Variants in ACBD3 observed in about 807,000 individuals in gnomAD.
ACBD3 encodes acyl-CoA binding domain containing 3.
ACBD3 carries 30 observed loss-of-function variants against 66.9 expected under a neutral mutation model. That is an observed-to-expected ratio of 0.45 (90% CI 0.34 to 0.61). The LOEUF (loss-of-function observed/expected upper bound fraction) is 0.61, where lower values mean the gene tolerates loss of function less well. Ranked by LOEUF, ACBD3 falls within the 20% of genes least tolerant of loss-of-function variation. The probability of loss-of-function intolerance (pLI) is 0.02; values close to 1 mark genes in which losing one functional copy is unlikely to be tolerated. For missense variants in ACBD3, 544 were observed against 664.5 expected, an observed-to-expected ratio of 0.82 and a Z score of 1.99; for synonymous variants, 278 against 259.8, an observed-to-expected ratio of 1.07 and a Z score of -0.68.
At chr1:226,182,889 T>C (rs1454456438) in intron 1 of ACBD3, among the ~76,000 whole-genome samples, 2 of 152,202 alleles carry the variant, frequency 1.3e-5, no homozygotes, top group East Asian at 1.9e-4. Flanking sequence ...TGTAACCTAA[T>C]ATAAAACTAT....
chr1:226,159,949 G>C (rs780950653), intron 4 of ACBD3, among the ~76,000 whole-genome samples: 1 of 152,106 alleles, frequency 6.6e-6, no homozygotes, highest in South Asian at 2.1e-4. Flanking sequence ...AGGTGGCCCT[G>C]GTAAGTATAA....
intron 1 of ACBD3, among the ~76,000 whole-genome samples, chr1:226,172,403 T>G (rs1655850610): frequency 6.6e-6 from 1 of 152,162 alleles, no homozygotes; most frequent in South Asian, 2.1e-4. Context: ...ATGCACGTAC[T>G]AGTTTTAAGA....
chr1:226,155,838 T>C (rs1172998869), intron 5 of ACBD3, among the ~76,000 whole-genome samples: 1 of 152,222 alleles, frequency 6.6e-6, no homozygotes, highest in Non-Finnish European at 1.5e-5. Context: ...CAATGAAAAT[T>C]TGTCACTGTT....
chr1:226,146,292 G>C lies in ACBD3; in HGVS notation c.*318C>G, dbSNP rs570244008. On this transcript the variant is annotated 3_prime_UTR_variant, in exon 8 of 8. Coordinates refer to ENST00000366812, the MANE Select transcript of ACBD3 (RefSeq NM_022735.4). ...CAGCAAGGGGCTAACCATCAGCCGG[G>C]TAAGGTCAACGTTGGGGTGTTTTAT... 8 of 243,660 alleles carry C rather than the reference G, an allele frequency of 3.3e-5. 1 individual carries two copies. In the Admixed American group the frequency reaches 4.1e-4, roughly 13 times the overall value. 15.1% of individuals were successfully genotyped at this position (243,660 alleles called of 1,614,324 possible). A position where few individuals can be genotyped will look rare whatever the true frequency, so the allele number is the denominator to read the frequency against.
rs539036777 is a variant in ACBD3 at position 226,174,103 on chromosome 1, G to A, written c.287-8103C>T. On this transcript the variant is annotated intron_variant, in intron 1 of 7. Coordinates refer to ENST00000366812, the MANE Select transcript of ACBD3 (RefSeq NM_022735.4). ...CTAAATTATTTCTGGTACCATAAAC[G>A]TTAAATGTAGTTAGCAGGAAAATAA... Among the ~76,000 whole-genome samples, 6 of 151,948 alleles carry A rather than the reference G, an allele frequency of 3.9e-5. No homozygotes were observed. The South Asian group carries it at 1.0e-3, about 26-fold the overall frequency.
chr1:226,178,467 C>T (rs1656097694), intron 1 of ACBD3, among the ~76,000 whole-genome samples: 2 of 148,364 alleles, frequency 1.3e-5, no homozygotes, highest in African/African-American at 5.0e-5. Flanking sequence ...CCCAGCTACT[C>T]GGGAGGCTGA....
At chr1:226,150,669 G>A (rs1027821698) in intron 7 of ACBD3, among the ~76,000 whole-genome samples, 7 of 152,080 alleles carry the variant, frequency 4.6e-5, no homozygotes, top group African/African-American at 7.2e-5. Context: ...GAGCCACCGC[G>A]TCCGGCCCAG....
chr1:226,176,269 T>C (rs753495409), intron 1 of ACBD3, among the ~76,000 whole-genome samples: 23 of 152,006 alleles, frequency 1.5e-4, no homozygotes, highest in African/African-American at 4.6e-4. Flanking sequence ...CTACTAAAAA[T>C]ACACAAATTA....
rs779380166 is a variant in ACBD3, at chr1:226,172,155, C to CAAAAAAAAAAAAA, written c.287-6168_287-6156dup. Among the ~76,000 whole-genome samples, 149 of 42,524 alleles carry CAAAAAAAAAAAAA rather than the reference C, an allele frequency of 3.5e-3. 2 individuals are homozygous for CAAAAAAAAAAAAA. Among genetic ancestry groups the CAAAAAAAAAAAAA allele is most frequent in the East Asian group, 5.9e-3 (4 of 678 alleles). 27.9% of individuals were successfully genotyped at this position (42,524 alleles called of 152,430 possible). On this transcript the variant is annotated intron_variant, in intron 1 of 7. Transcript: ENST00000366812. ...GGGAAACAAGAGCAAAACTCCATCT[C>CAAAAAAAAAAAAA]AAAAAAAAAAAAAAAGAGGAATACA...
chr1:226,159,156 G>A, intron 5 of ACBD3, 28 bp downstream of exon 5: 1 of 1,609,344 alleles, frequency 6.2e-7, no homozygotes, highest in Admixed American at 1.7e-5. Flanking sequence ...CTCTCTCTAA[G>A]GCTGAATTCT....
intron 7 of ACBD3, among the ~76,000 whole-genome samples, chr1:226,148,633 G>C (rs778013544): frequency 1.3e-5 from 2 of 152,160 alleles, no homozygotes; most frequent in Admixed American, 6.5e-5. Context: ...TTTAGGACCT[G>C]TAAACAATGA....
chr1:226,147,554 C>T (rs1317668193), intron 7 of ACBD3, among the ~76,000 whole-genome samples: 1 of 152,150 alleles, frequency 6.6e-6, no homozygotes, highest in African/African-American at 2.4e-5. Flanking sequence ...GAGTCCTCCC[C>T]ATTTTAGAAA....
intron 1 of ACBD3, among the ~76,000 whole-genome samples, chr1:226,173,591 AAC>A (rs1655916943): frequency 6.6e-6 from 1 of 151,972 alleles, no homozygotes; most frequent in Non-Finnish European, 1.5e-5. Flanking sequence ...TCAGAAAAAA[AAC>A]ACAGAAAAAT....
Position 226,146,484 on chromosome 1 carries a change from C to T in ACBD3, c.*126G>A. 1 of 796,624 alleles carries T rather than the reference C, an allele frequency of 1.3e-6. No individual in the cohort carries two copies. Among genetic ancestry groups the T allele is most frequent in the Non-Finnish European group, 2.0e-6 (1 of 510,416 alleles). The allele number at this position is 796,624 out of a possible 1,614,324, so 49.3% of individuals were successfully genotyped here. On this transcript the variant is annotated 3_prime_UTR_variant, in exon 8 of 8. Coordinates refer to ENST00000366812, the MANE Select transcript of ACBD3 (RefSeq NM_022735.4). ...AATTTTGATTCCCAGCAAGAGTTCA[C>T]AAACCATCAGACCAATATCAATAAG...
chr1:226,157,475 G>C (rs1275909653), intron 5 of ACBD3, among the ~76,000 whole-genome samples: 1 of 152,132 alleles, frequency 6.6e-6, no homozygotes, highest in Non-Finnish European at 1.5e-5. Context: ...CCAACCTCAA[G>C]TGATCCACCC....
Position 226,159,265 on chromosome 1 carries a change from T to C in ACBD3, c.822A>G (p.Gln274=), listed in dbSNP as rs766990449. The change falls in exon 5 of 8, where the codon CAA becomes CAG. Residue 274 remains glutamine (Q), a synonymous_variant. Transcript: ENST00000366812. ...GCTCCTGCAACTGGCGGATGAGAAT[T>C]TGCTGCTGTTCGTAGTTCCCTGGAT... ...QQYPGNYEQQ[Q]ILIRQLQEQH... The C allele has an allele frequency of 1.2e-6, 2 of 1,614,186 alleles. No individual in the cohort carries two copies. The highest frequency in any genetic ancestry group is 2.2e-5 in the South Asian group (2 of 91,086).
intron 1 of ACBD3, among the ~76,000 whole-genome samples, chr1:226,181,150 C>A (rs1656163147): frequency 6.6e-6 from 1 of 152,050 alleles, no homozygotes; most frequent in South Asian, 2.1e-4. Context: ...TCTATATATC[C>A]TCCTACAGTA....
At chr1:226,160,178 A>G (rs1659745680) in intron 4 of ACBD3, among the ~76,000 whole-genome samples, 1 of 149,056 alleles carries the variant, frequency 6.7e-6, no homozygotes, top group Admixed American at 6.8e-5. Flanking sequence ...TGCAACCTCC[A>G]CTTCCTAGGT....
At position 226,154,841 on chromosome 1, in the gene ACBD3, C is replaced by T; in HGVS notation, c.904-8G>A. ...TTGTTTCTGTAATGCTGCCTACAAA[C>T]CAAGAGAAAGTGAAGACACACTGAC... On this transcript the variant is annotated splice_polypyrimidine_tract_variant and splice_region_variant and intron_variant, in intron 5 of 7. Transcript: ENST00000366812. The T allele has an allele frequency of 6.3e-7, 1 of 1,595,408 alleles. No individual in the cohort carries two copies.
Sources: gnomAD v4.1 joint callset for allele counts (sites outside exome capture counted in the v4.1 genomes callset) on GRCh38, gnomAD v4.1.1 for gene constraint, MANE v1.5 for transcripts, NCBI Gene and HGNC (gene_info 2026-07-23, HGNC 2026-07-21) for gene names.